The following TESK2 variants were observed in gnomAD, a reference collection of about 807,000 sequenced individuals.
The protein encoded by TESK2 is testis associated actin remodelling kinase 2, also known as dual specificity testis-specific protein kinase 2.
A neutral mutation model predicts 57.1 loss-of-function variants in TESK2; 39 were observed. The ratio of observed to expected loss-of-function variants is 0.68; its 90% confidence interval spans 0.53 to 0.89. The LOEUF is 0.89. Among genes scored for constraint, TESK2 ranks in the 40% least tolerant of loss-of-function variants. The pLI is 0.00. For missense variants in TESK2, 646 were observed against 732.1 expected (o/e 0.88, Z 1.36); for synonymous variants, 249 against 267.9 (o/e 0.93, Z 0.69).
intron 9 of TESK2, among the ~76,000 whole-genome samples, chr1:45,346,202 T>C (rs1451150316): frequency 6.6e-6 from 1 of 152,228 alleles, no homozygotes; most frequent in African/African-American, 2.4e-5. Flanking sequence ...GTTTGTCTTA[T>C]CACCTTGTCA....
chr1:45,433,208 G>A (rs1413643046), intron 2 of TESK2, among the ~76,000 whole-genome samples: 1 of 150,888 alleles, frequency 6.6e-6, no homozygotes, highest in Non-Finnish European at 1.5e-5. Flanking sequence ...CCAAGTAGCT[G>A]GGACTACAGG....
intron 1 of TESK2, among the ~76,000 whole-genome samples, chr1:45,488,406 A>G (rs573784666): frequency 2.6e-5 from 4 of 152,238 alleles, no homozygotes; most frequent in African/African-American, 7.2e-5. Context: ...CTACCACATC[A>G]TTATCCATTT....
intron 2 of TESK2, among the ~76,000 whole-genome samples, chr1:45,426,331 A>G (rs1305144356): frequency 6.6e-6 from 1 of 152,210 alleles, no homozygotes; most frequent in African/African-American, 2.4e-5. Context: ...TTTCAACAAA[A>G]GTACCAAGAA....
At chr1:45,454,870 T>A (rs752685058) in intron 2 of TESK2, among the ~76,000 whole-genome samples, 2 of 152,244 alleles carry the variant, frequency 1.3e-5, no homozygotes, top group Admixed American at 6.5e-5. Context: ...GAAAACACTA[T>A]GCTAAGTGAA....
At chr1:45,432,972 C>A (rs538310073) in intron 2 of TESK2, among the ~76,000 whole-genome samples, 47 of 150,834 alleles carry the variant, frequency 3.1e-4, no homozygotes, top group African/African-American at 1.1e-3. Flanking sequence ...CTGTGTTGCC[C>A]AGGCTGGTCT....
At chr1:45,482,656 A>AAC in intron 1 of TESK2, among the ~76,000 whole-genome samples, 1 of 151,698 alleles carries the variant, frequency 6.6e-6, no homozygotes, top group African/African-American at 2.4e-5. Context: ...TGCCAACAGC[A>AAC]ACAGCAGTTA....
intron 2 of TESK2, among the ~76,000 whole-genome samples, chr1:45,430,463 C>T (rs1182218627): frequency 6.6e-6 from 1 of 152,128 alleles, no homozygotes; most frequent in African/African-American, 2.4e-5. Context: ...TGCACTCCAG[C>T]CTGGGCAACA....
chr1:45,437,212 T>C (rs1013595407), intron 2 of TESK2, among the ~76,000 whole-genome samples: 13 of 152,234 alleles, frequency 8.5e-5, no homozygotes, highest in Non-Finnish European at 1.5e-5. Flanking sequence ...TTCTATTTTT[T>C]TGTGTCCTCT....
At chr1:45,395,670 A>C (rs1203362590) in intron 3 of TESK2, among the ~76,000 whole-genome samples, 1 of 148,732 alleles carries the variant, frequency 6.7e-6, no homozygotes. Flanking sequence ...GCAGTGTTGC[A>C]ATTACAGCTC....
intron 1 of TESK2, among the ~76,000 whole-genome samples, chr1:45,482,054 C>T (rs1010090230): frequency 7.9e-5 from 12 of 152,194 alleles, no homozygotes; most frequent in African/African-American, 2.9e-4. Flanking sequence ...ATCGTCTCCA[C>T]GTGAGCAGTT....
intron 4 of TESK2, among the ~76,000 whole-genome samples, chr1:45,374,519 A>G (rs759108508): frequency 1.3e-5 from 2 of 152,224 alleles, no homozygotes; most frequent in African/African-American, 4.8e-5. Flanking sequence ...AGGGAGAAAA[A>G]AAAAGCTTAG....
At chr1:45,364,141 T>C (rs1647808496) in intron 4 of TESK2, among the ~76,000 whole-genome samples, 1 of 152,198 alleles carries the variant, frequency 6.6e-6, no homozygotes, top group South Asian at 2.1e-4. Context: ...TAATATGATC[T>C]AATGGGGGTT....
chr1:45,422,283 G>A (rs1650507578), intron 2 of TESK2, among the ~76,000 whole-genome samples: 1 of 152,144 alleles, frequency 6.6e-6, no homozygotes, highest in Non-Finnish European at 1.5e-5. Flanking sequence ...TTAGCGGGTG[G>A]GGGGTGAAGG....
chr1:45,385,310 G>C (rs1231751010), intron 4 of TESK2: 1 of 985,058 alleles, frequency 1.0e-6, no homozygotes, highest in Non-Finnish European at 1.2e-6. Flanking sequence ...TGGCTCTAAA[G>C]AGAGTTCTCT....
chr1:45,345,614 A>ATTT, intron 10 of TESK2, 56 bp from the exon 11 acceptor site: 1 of 1,465,800 alleles, frequency 6.8e-7, no homozygotes, highest in Non-Finnish European at 9.3e-7. Flanking sequence ...TACAAGCAGC[A>ATTT]TTTTACCACA....
At chr1:45,413,344 G>A (rs1261014766) in intron 3 of TESK2, among the ~76,000 whole-genome samples, 1 of 152,060 alleles carries the variant, frequency 6.6e-6, no homozygotes, top group African/African-American at 2.4e-5. Context: ...AATCTTAGGA[G>A]GAAGGGAGAT....
chr1:45,346,233 C>T (rs1254919228), intron 9 of TESK2, among the ~76,000 whole-genome samples: 1 of 152,190 alleles, frequency 6.6e-6, no homozygotes, highest in East Asian at 1.9e-4. Flanking sequence ...CAAAAGTATG[C>T]TCATATTAGT....
intron 4 of TESK2, among the ~76,000 whole-genome samples, chr1:45,364,791 G>A (rs1316113610): frequency 9.9e-5 from 15 of 152,074 alleles, no homozygotes; most frequent in Admixed American, 9.8e-4. Context: ...TGAGAAATAA[G>A]GAAAAAGAGT....
chr1:45,452,657 C>T (rs1251106703), intron 2 of TESK2, among the ~76,000 whole-genome samples: 9 of 151,840 alleles, frequency 5.9e-5, no homozygotes. Context: ...GCCTATAACC[C>T]AGCATTTTGG....
Sources: gnomAD v4.1 joint callset for allele counts (sites outside exome capture counted in the v4.1 genomes callset) on GRCh38, gnomAD v4.1.1 for gene constraint, MANE v1.5 for transcripts, NCBI Gene and HGNC (gene_info 2026-07-23, HGNC 2026-07-21) for gene names.